The following RASGRF2 variants were observed in gnomAD, a reference collection of about 807,000 sequenced individuals.
The protein encoded by RASGRF2 is ras-specific guanine nucleotide-releasing factor 2.
RASGRF2 carries 76 observed loss-of-function variants against 151.0 expected under a neutral mutation model. That is an observed-to-expected ratio of 0.50 (90% CI 0.42 to 0.61). RASGRF2 has a LOEUF of 0.61. RASGRF2 is among the 20% of genes least tolerant of loss of function. The probability of loss-of-function intolerance (pLI) is 0.00; values close to 1 mark genes in which losing one functional copy is unlikely to be tolerated. For synonymous variants in RASGRF2, 504 were observed against 566.5 expected (o/e 0.89, Z 1.57); for missense variants, 1,148 against 1,564.6 (o/e 0.73, Z 4.49).
chr5:81,180,057 C>T, intron 17 of RASGRF2, 118 bp from the exon 18 acceptor site: 1 of 648,894 alleles, frequency 1.5e-6, no homozygotes, highest in South Asian at 1.8e-5. Flanking sequence ...GCGCACCTCT[C>T]TGCCAAGAAG....
intron 1 of RASGRF2, among the ~76,000 whole-genome samples, chr5:80,977,577 C>T (rs1387420992): frequency 6.6e-6 from 1 of 152,120 alleles, no homozygotes; most frequent in Non-Finnish European, 1.5e-5. Flanking sequence ...ATTCTCCAGC[C>T]TCTAGAGTAG....
At chr5:81,034,795 G>A (rs1473187049) in intron 1 of RASGRF2, among the ~76,000 whole-genome samples, 1 of 79,130 alleles carries the variant, frequency 1.3e-5, no homozygotes, top group Non-Finnish European at 2.6e-5. Flanking sequence ...TCTGGGGACT[G>A]TTGTGGGGTG....
intron 1 of RASGRF2, among the ~76,000 whole-genome samples, chr5:81,003,060 A>ATT (rs1473876860): frequency 1.4e-5 from 2 of 146,556 alleles, no homozygotes; most frequent in Non-Finnish European, 3.0e-5. Flanking sequence ...CAAAGAGACT[A>ATT]TTTTTTTTGA....
chr5:81,169,497 C>G (rs1372407807), intron 17 of RASGRF2, among the ~76,000 whole-genome samples: 1 of 152,172 alleles, frequency 6.6e-6, no homozygotes, highest in Non-Finnish European at 1.5e-5. Context: ...GGCATCATGA[C>G]TCCCAATATC....
intron 23 of RASGRF2, among the ~76,000 whole-genome samples, chr5:81,214,749 G>C (rs1278842027): frequency 3.3e-5 from 5 of 152,156 alleles, no homozygotes; most frequent in African/African-American, 7.2e-5. Flanking sequence ...GCCCAGCCAC[G>C]CTGCCTGGAT....
At chr5:81,057,735 C>T (rs1751272635) in intron 2 of RASGRF2, among the ~76,000 whole-genome samples, 1 of 152,074 alleles carries the variant, frequency 6.6e-6, no homozygotes, top group Non-Finnish European at 1.5e-5. Flanking sequence ...TGGCTCGTGC[C>T]TATAATCCAA....
At chr5:81,082,222 G>A (rs1326237805) in intron 7 of RASGRF2, among the ~76,000 whole-genome samples, 11 of 152,130 alleles carry the variant, frequency 7.2e-5, no homozygotes. Context: ...CTCTTGGTGT[G>A]ATTTTTTCAG....
intron 1 of RASGRF2, among the ~76,000 whole-genome samples, chr5:80,994,365 CAAAAA>C (rs11411890): frequency 4.3e-5 from 5 of 115,382 alleles, no homozygotes; most frequent in African/African-American, 1.4e-4. Flanking sequence ...CACTCTGTCT[CAAAAA>C]AAAAAAAAAA....
At chr5:81,024,230 G>T (rs918103059) in intron 1 of RASGRF2, among the ~76,000 whole-genome samples, 1 of 144,560 alleles carries the variant, frequency 6.9e-6, no homozygotes, top group Non-Finnish European at 1.5e-5. Context: ...CCCTCTCCAG[G>T]ACTAGAGGTA....
chr5:80,982,334 A>C (rs1250794340), intron 1 of RASGRF2, among the ~76,000 whole-genome samples: 1 of 152,124 alleles, frequency 6.6e-6, no homozygotes, highest in African/African-American at 2.4e-5. Flanking sequence ...GGGGTTAGTA[A>C]AGGCTATACA....
At chr5:80,982,766 C>A (rs897155064) in intron 1 of RASGRF2, among the ~76,000 whole-genome samples, 9 of 151,688 alleles carry the variant, frequency 5.9e-5, no homozygotes, top group African/African-American at 2.2e-4. Context: ...ACCCCCGGCT[C>A]ATTTTTTGTA....
chr5:81,165,276 C>T (rs982989716), intron 17 of RASGRF2, among the ~76,000 whole-genome samples: 1 of 152,086 alleles, frequency 6.6e-6, no homozygotes, highest in Admixed American at 6.6e-5. Flanking sequence ...TCAGGAAATA[C>T]CAAGGTCTTC....
At chr5:81,121,809 C>G (rs949629889) in intron 15 of RASGRF2, among the ~76,000 whole-genome samples, 1 of 152,172 alleles carries the variant, frequency 6.6e-6, no homozygotes, top group African/African-American at 2.4e-5. Context: ...GCAAGAAAGG[C>G]AAGCCAAAGG....
At chr5:80,974,458 G>A (rs1038190818) in intron 1 of RASGRF2, among the ~76,000 whole-genome samples, 16 of 152,218 alleles carry the variant, frequency 1.1e-4, no homozygotes, top group African/African-American at 3.4e-4. Context: ...CCAAACCATC[G>A]GTGAACTAGG....
chr5:81,154,257 A>C (rs951990049), intron 17 of RASGRF2, among the ~76,000 whole-genome samples: 1 of 152,174 alleles, frequency 6.6e-6, no homozygotes, highest in African/African-American at 2.4e-5. Flanking sequence ...AAGTGTATAC[A>C]TTTGGGGTTT....
intron 2 of RASGRF2, 116 bp from the exon 3 acceptor site, chr5:81,067,916 T>C: frequency 1.2e-6 from 1 of 845,466 alleles, no homozygotes; most frequent in Non-Finnish European, 1.7e-6. Flanking sequence ...CAAGTAGAGA[T>C]AGCTGAACAA....
chr5:81,183,114 A>C, intron 18 of RASGRF2: 2,038 of 394,282 alleles, frequency 5.2e-3, no homozygotes, highest in Non-Finnish European at 6.4e-3. Context: ...AGGAAGTTGT[A>C]CTCATCTCAA....
rs1005347401 is a variant in RASGRF2 at position 81,224,210 on chromosome 5, A to T, written c.3622-1468A>T. Reference sequence around the variant, plus strand: ...CCAATAAATATTTTTTAAATGCTCAACTTCACTAGTAAAAAGAGAAAATGT... The same window carrying T: ...CCAATAAATATTTTTTAAATGCTCATCTTCACTAGTAAAAAGAGAAAATGT... On this transcript the variant is annotated intron_variant, in intron 26 of 26. Transcript: ENST00000265080. Among the ~76,000 whole-genome samples the T allele has an allele frequency of 7.2e-5, 11 of 152,356 alleles. No homozygotes were observed. In the East Asian group the frequency reaches 2.1e-3, roughly 29 times the overall value.
At chr5:81,108,391 T>C (rs1752901652) in intron 12 of RASGRF2, among the ~76,000 whole-genome samples, 1 of 152,220 alleles carries the variant, frequency 6.6e-6, no homozygotes. Flanking sequence ...GCTTTAAGCA[T>C]GCCAGAGACA....
Sources: gnomAD v4.1 joint callset for allele counts (sites outside exome capture counted in the v4.1 genomes callset) on GRCh38, gnomAD v4.1.1 for gene constraint, MANE v1.5 for transcripts, NCBI Gene and HGNC (gene_info 2026-07-23, HGNC 2026-07-21) for gene names.